Variants in SLC38A10 observed in about 807,000 individuals in gnomAD.
SLC38A10 encodes Sodium-coupled neutral amino acid transporter 10.
SLC38A10 carries 53 observed loss-of-function variants against 81.0 expected under a neutral mutation model. That is an observed-to-expected ratio of 0.65 (90% CI 0.53 to 0.82). The LOEUF (loss-of-function observed/expected upper bound fraction) is 0.82. Ranked by LOEUF, SLC38A10 falls within the 40% of genes least tolerant of loss-of-function variation. The pLI is 0.00. For missense variants in SLC38A10, 1,471 were observed against 1,545.0 expected (o/e 0.95, Z 0.80); for synonymous variants, 665 against 655.3 (o/e 1.01, Z -0.23).
At chr17:81,257,987 G>A (rs1281203844) in intron 11 of SLC38A10, among the ~76,000 whole-genome samples, 1 of 152,234 alleles carries the variant, frequency 6.6e-6, no homozygotes, top group East Asian at 1.9e-4. Flanking sequence ...AGGTACGAAC[G>A]GCCCGACTCC....
rs908883143 is a variant in SLC38A10, at chr17:81,265,940, G to C, written c.1131+4978C>G. Reference sequence around the variant, plus strand: ...CACGCACAGCCAAACTGCGGTGAATGTGATTCAGTGCGCTTTCTAGCTTCC... The same window carrying C: ...CACGCACAGCCAAACTGCGGTGAATCTGATTCAGTGCGCTTTCTAGCTTCC... On this transcript the variant is annotated intron_variant, in intron 10 of 15. Transcript: ENST00000374759. This position sits in a 1 kb window ranked among gnomAD's most constrained non-coding sequence, Gnocchi z 4.2. 1.3e-5 allele frequency among the ~76,000 whole-genome samples: 2 copies of C among 152,236 alleles called. No individual in the cohort carries two copies. The highest frequency in any genetic ancestry group is 4.8e-5 in the African/African-American group (2 of 41,466).
chr17:81,280,707 G>A lies in SLC38A10; in HGVS notation c.528C>T (p.Gly176=). 6.2e-7 allele frequency: 1 copy of A among 1,613,652 alleles called. No homozygotes were observed. The highest frequency in any genetic ancestry group is 8.5e-7 in the Non-Finnish European group (1 of 1,179,922). ...FVIVLSSLKH[G]LFSGQWLRRV... ...GCCGCAGCCACTGCCCACTGAAGAG[G>A]CCGTGCTTGAGAGAGGAGAGCACGA... The change falls in exon 6 of 16, where the codon GGC becomes GGT. Residue 176 remains glycine (G), a synonymous_variant. Coordinates refer to ENST00000374759, the MANE Select transcript of SLC38A10 (RefSeq NM_001037984.3).
At chr17:81,259,946 C>T (rs1415554211) in intron 11 of SLC38A10, among the ~76,000 whole-genome samples, 1 of 152,230 alleles carries the variant, frequency 6.6e-6, no homozygotes, top group African/African-American at 2.4e-5. Context: ...AACGTACACC[C>T]CACCTAGCCC....
chr17:81,283,457 C>CA lies in SLC38A10; in HGVS notation c.308dup (p.Ile104AspfsTer117). Reference sequence around the variant, plus strand: ...AGAAGTTGGACCCCAAGTCGCCGATCACGACGTAGAAGGCGATGCAGGTGC... The same window carrying CA: ...AGAAGTTGGACCCCAAGTCGCCGATCAACGACGTAGAAGGCGATGCAGGTGC... On this transcript the variant is annotated frameshift_variant, in exon 4 of 16. Coordinates refer to ENST00000374759, the MANE Select transcript of SLC38A10 (RefSeq NM_001037984.3). LOFTEE classifies it high-confidence loss of function. This position sits in a 1 kb window ranked among gnomAD's most constrained non-coding sequence, Gnocchi z 4.7. 11 of 1,612,598 alleles carry CA rather than the reference C, an allele frequency of 6.8e-6. No homozygotes were observed. The highest frequency in any genetic ancestry group is 9.3e-6 in the Non-Finnish European group (11 of 1,179,366).
rs2063009685 is a variant in SLC38A10 at position 81,260,264 on chromosome 17, A to G, written c.1262T>C (p.Met421Thr). 1 of 1,605,572 alleles carries G rather than the reference A, an allele frequency of 6.2e-7. No individual in the cohort carries two copies. The highest frequency in any genetic ancestry group is 1.7e-5 in the Admixed American group (1 of 58,682). ...TGAGAGCCGCGCTGCCTCCACCTTC[A>G]TCAAACCCTCGGCCTCTCCAAGCCG... is the stretch of plus-strand genomic sequence containing the variant. ...GGRLGEAEGL[M>T]KVEAARLSAQ... The change falls in exon 11 of 16, where the codon ATG becomes ACG. Residue 421 changes from methionine to threonine, a missense_variant. By Grantham distance (81) the Met-to-Thr change is moderately conservative. Around this residue, in one of 2 missense-constraint regions of SLC38A10, gnomAD observed 720 missense variants for 827.7 expected, o/e 0.87. Coordinates refer to ENST00000374759, the MANE Select transcript of SLC38A10 (RefSeq NM_001037984.3).
At chr17:81,285,391 G>A (rs2063255518) in intron 2 of SLC38A10, 1 of 153,008 alleles carries the variant, frequency 6.5e-6, no homozygotes, top group East Asian at 1.9e-4. Flanking sequence ...GAAACAAATG[G>A]AGACTCCTTT....
chr17:81,290,211 G>A (rs1471887079), intron 1 of SLC38A10, among the ~76,000 whole-genome samples: 1 of 152,190 alleles, frequency 6.6e-6, no homozygotes, highest in Non-Finnish European at 1.5e-5. Flanking sequence ...GTTCTCATAA[G>A]TTAAATAGAC....
In SLC38A10 at chr17:81,251,799, C is replaced by G. The variant is rs1048871564; in HGVS notation, c.1946-187G>C. 6 of 629,578 alleles carry G rather than the reference C, an allele frequency of 9.5e-6. No individual in the cohort carries two copies. The South Asian group carries it at 2.2e-4, about 23-fold the overall frequency. 39.0% of individuals were successfully genotyped at this position (629,578 alleles called of 1,614,324 possible). A position where few individuals can be genotyped will look rare whatever the true frequency, so the allele number is the denominator to read the frequency against. ...GAAGCAATAAAAAAATATTTAACAA[C>G]CTCATAGGCTTGTGGCAATGAGCCA... On this transcript the variant is annotated intron_variant, in intron 13 of 15. Coordinates refer to ENST00000374759, the MANE Select transcript of SLC38A10 (RefSeq NM_001037984.3).
intron 14 of SLC38A10, among the ~76,000 whole-genome samples, chr17:81,248,147 T>C (rs888569344): frequency 2.6e-5 from 4 of 151,988 alleles, no homozygotes; most frequent in Non-Finnish European, 4.4e-5. Context: ...TTAGTAGAGA[T>C]GGGGTTTCAC....
At position 81,284,865 on chromosome 17, in the gene SLC38A10, A is replaced by G. The variant is rs368543620; in HGVS notation, c.248T>C (p.Met83Thr). 9.7e-6 allele frequency: 15 copies of G among 1,545,256 alleles called. No homozygotes were observed. Among genetic ancestry groups the G allele is most frequent in the Middle Eastern group, 1.7e-4 (1 of 6,004 alleles). The change falls in exon 3 of 16, where the codon ATG becomes ACG. Residue 83 changes from methionine (M) to threonine (T), a missense_variant. This residue lies in a region of SLC38A10 where 720 missense variants were observed against 827.7 expected (regional missense o/e 0.87). Transcript: ENST00000374759. ...CGGGGCTTACCTGGTCTCCACCAGC[A>G]TCTTGCCTGCCTTCCCGTAGGCGTG... ...AFHAYGKAGK[M>T]LVETSMIGLM... is the part of the protein sequence containing the mutation.
At chr17:81,280,084 C>A (rs1250677938) in intron 6 of SLC38A10, 1 of 439,544 alleles carries the variant, frequency 2.3e-6, no homozygotes, top group East Asian at 7.2e-5. Context: ...GGGCACGAAT[C>A]ACTCGCTCTT....
chr17:81,253,186 G>A lies in SLC38A10; in HGVS notation c.1343C>T (p.Pro448Leu), dbSNP rs111329381. Residue 448 changes from proline to leucine, a missense_variant, in exon 12 of 16, where the codon CCG becomes CTG. Pro to Leu is a moderately conservative substitution (Grantham distance 98, BLOSUM62 -3). Coordinates refer to ENST00000374759, the MANE Select transcript of SLC38A10 (RefSeq NM_001037984.3). The surrounding 1 kb of genome is among the most constrained non-coding windows in gnomAD (Gnocchi z 4.1). ...AEDGREKPKL[P>L]KEREELEQAQ... ...CTGCTCCAGCTCCTCTCTCTCCTTC[G>A]GCAGCTTCGGCTTCTCCCGGCCATC... is the stretch of plus-strand genomic sequence containing the variant. 2.8e-5 allele frequency: 45 copies of A among 1,613,750 alleles called. 1 individual carries two copies. In the East Asian group the frequency reaches 4.2e-4, roughly 15 times the overall value.
rs1308907549 is a variant in SLC38A10 at position 81,277,494 on chromosome 17, A to C, written c.627-361T>G. On this transcript the variant is annotated intron_variant, in intron 6 of 15. Transcript: ENST00000374759. This position sits in a 1 kb window ranked among gnomAD's most constrained non-coding sequence, Gnocchi z 4.5. ...CAGAGAATCGCTGTCAAGAGGAGGG[A>C]AAGTTAAACAAACACACCCTGGCCT... Among the ~76,000 whole-genome samples, 1 of 152,246 alleles carries C rather than the reference A, an allele frequency of 6.6e-6. No homozygotes were observed. The highest frequency in any genetic ancestry group is 2.4e-5 in the African/African-American group (1 of 41,462).
chr17:81,271,910 G>T (rs1341891511), intron 9 of SLC38A10, among the ~76,000 whole-genome samples: 2 of 151,874 alleles, frequency 1.3e-5, no homozygotes, highest in Non-Finnish European at 2.9e-5. Context: ...TGTATTTTTA[G>T]TAGAGACGGG....
chr17:81,294,040 G>GTC (rs1283728317), intron 1 of SLC38A10, among the ~76,000 whole-genome samples: 1 of 152,148 alleles, frequency 6.6e-6, no homozygotes, highest in Non-Finnish European at 1.5e-5. Context: ...TTGAGACGGA[G>GTC]TCTCCCTCTG....
rs1312067276 is a variant in SLC38A10 at position 81,283,714 on chromosome 17, C to T, written c.264-212G>A. Among the ~76,000 whole-genome samples, 3 of 151,596 alleles carry T rather than the reference C, an allele frequency of 2.0e-5. No homozygotes were observed. In the East Asian group the frequency reaches 5.9e-4, roughly 30 times the overall value. On this transcript the variant is annotated intron_variant, in intron 3 of 15. Transcript: ENST00000374759. This position sits in a 1 kb window ranked among gnomAD's most constrained non-coding sequence, Gnocchi z 4.7. ...CTGCAAGCTCCGCCTCCCAGGTTCA[C>T]GCCATTCTCCTGCCTCAGCCTCCCG...
chr17:81,294,251 G>A (rs1205769327), intron 1 of SLC38A10, among the ~76,000 whole-genome samples: 4 of 152,040 alleles, frequency 2.6e-5, no homozygotes, highest in Admixed American at 2.0e-4. Context: ...GGCAGTTCTC[G>A]AACTCCTGAC....
In SLC38A10 at chr17:81,281,017, C is replaced by T. The variant is rs920576588; in HGVS notation, c.502-284G>A. ...TTGCAAGGGGGCTGCTTGGCGCAGA[C>T]GGGAGGAGACCACTGAGCATGCATG... On this transcript the variant is annotated intron_variant, in intron 5 of 15. Transcript: ENST00000374759. The surrounding 1 kb of genome is among the most constrained non-coding windows in gnomAD (Gnocchi z 5.3). 2.6e-5 allele frequency among the ~76,000 whole-genome samples: 4 copies of T among 152,198 alleles called. No homozygotes were observed. Among genetic ancestry groups the T allele is most frequent in the Admixed American group, 6.5e-5 (1 of 15,280 alleles).
At chr17:81,252,069 A>G in intron 13 of SLC38A10, 126 bp downstream of exon 13, 1 of 1,356,786 alleles carries the variant, frequency 7.4e-7, no homozygotes, top group Non-Finnish European at 9.8e-7. Context: ...CTCCATTTGC[A>G]TGCTAATCTG....
Sources: gnomAD v4.1 joint callset for allele counts (sites outside exome capture counted in the v4.1 genomes callset) on GRCh38, gnomAD v4.1.1 for gene constraint, gnomAD v4.1.1 regional missense constraint, Gnocchi (gnomAD v3.1) non-coding constraint, MANE v1.5 for transcripts, NCBI Gene and HGNC (gene_info 2026-07-23, HGNC 2026-07-21) for gene names.